The following MAP3K20 variants were observed in gnomAD, a reference collection of about 807,000 sequenced individuals.
MAP3K20 encodes HCCS-4.
In MAP3K20, 40 loss-of-function variants were observed where a neutral mutation model predicts 85.7. That is an observed-to-expected ratio of 0.47 (90% confidence interval 0.36 to 0.61). MAP3K20 has a LOEUF of 0.61. Ranked by LOEUF, MAP3K20 falls within the 20% of genes least tolerant of loss-of-function variation. The pLI is 0.00. For missense variants in MAP3K20, 817 were observed against 961.7 expected (o/e 0.85, Z 1.99); for synonymous variants, 325 against 327.7 (o/e 0.99, Z 0.09).
intron 2 of MAP3K20, among the ~76,000 whole-genome samples, chr2:173,147,586 A>C (rs1417656825): frequency 6.6e-6 from 1 of 152,072 alleles, no homozygotes; most frequent in Non-Finnish European, 1.5e-5. Context: ...AACAAACTCC[A>C]GCCTTTTTTT....
chr2:173,191,524 G>A (rs374745352), intron 7 of MAP3K20, among the ~76,000 whole-genome samples: 7 of 152,160 alleles, frequency 4.6e-5, no homozygotes, highest in Non-Finnish European at 7.4e-5. Flanking sequence ...TGGAAATGTG[G>A]ATCATTTGGA....
At chr2:173,079,318 T>C (rs1375533812) in intron 1 of MAP3K20, among the ~76,000 whole-genome samples, 3 of 152,194 alleles carry the variant, frequency 2.0e-5, no homozygotes, top group Admixed American at 1.3e-4. Context: ...ATAGGGCATT[T>C]ACCATGAATG....
chr2:173,108,150 T>A (rs969419178), intron 2 of MAP3K20, among the ~76,000 whole-genome samples: 1 of 152,104 alleles, frequency 6.6e-6, no homozygotes, highest in Non-Finnish European at 1.5e-5. Flanking sequence ...TTTTTATTTT[T>A]TTTTGAGATG....
intron 4 of MAP3K20, 142 bp from the exon 5 acceptor site, chr2:173,187,416 T>G (rs1233574988): frequency 1.6e-6 from 1 of 632,318 alleles, no homozygotes; most frequent in Non-Finnish European, 2.7e-6. Flanking sequence ...GTAGACATAT[T>G]CTGTTTTCAT....
At chr2:173,218,403 T>C (rs1684138769) in intron 11 of MAP3K20, among the ~76,000 whole-genome samples, 1 of 152,256 alleles carries the variant, frequency 6.6e-6, no homozygotes, top group Non-Finnish European at 1.5e-5. Flanking sequence ...ATGAATTGAA[T>C]TGCTATCCCT....
chr2:173,221,430 A>G (rs1475426576), intron 11 of MAP3K20: 3 of 1,614,020 alleles, frequency 1.9e-6, no homozygotes, highest in African/African-American at 1.3e-5. Context: ...AAGAAAGTCA[A>G]CATGGCTCTG....
In MAP3K20 at chr2:173,266,622, G is replaced by C; in HGVS notation, c.2275G>C (p.Glu759Gln). 6.2e-7 allele frequency: 1 copy of C among 1,613,906 alleles called. No individual in the cohort carries two copies. Among genetic ancestry groups the C allele is most frequent in the Non-Finnish European group, 8.5e-7 (1 of 1,179,982 alleles). The stretch of plus-strand genomic sequence containing the variant: ...TGAGACTGACTCAAGAGCCAGTGAA[G>C]AGGACAGCAAAGTCAGCGAAGGGGG... ...HPETDSRASE[E>Q]DSKVSEGGWT... Residue 759 changes from glutamate to glutamine, a missense_variant, in exon 20 of 20, where the codon GAG (glutamate) becomes CAG (glutamine). Physicochemically the swap from Glu to Gln is conservative, Grantham distance 29. Transcript: ENST00000375213.
intron 14 of MAP3K20, among the ~76,000 whole-genome samples, chr2:173,237,871 A>G (rs1574146262): frequency 6.6e-6 from 1 of 152,218 alleles, no homozygotes; most frequent in East Asian, 1.9e-4. Flanking sequence ...CTGAGGTTCA[A>G]CATCTTTAAA....
intron 11 of MAP3K20, 113 bp downstream of exon 11, chr2:173,217,363 G>C: frequency 1.6e-6 from 2 of 1,290,306 alleles, no homozygotes; most frequent in Non-Finnish European, 2.0e-6. Flanking sequence ...CTCATTTCCT[G>C]CCTCGCGCCC....
chr2:173,243,745 A>G lies in MAP3K20; in HGVS notation c.1359+4249A>G, dbSNP rs550535946. ...CCATTTTCCTGCCTCAGCCTCCCGAATAGCTGGGACTACAACTACAGGCTC... is the reference window on the plus strand; with the variant it reads ...CCATTTTCCTGCCTCAGCCTCCCGAGTAGCTGGGACTACAACTACAGGCTC... On this transcript the variant is annotated intron_variant, in intron 16 of 19. Transcript: ENST00000375213. Among the ~76,000 whole-genome samples, 480 of 152,176 alleles carry G rather than the reference A, an allele frequency of 3.2e-3. 4 individuals are homozygous for G. The highest frequency in any genetic ancestry group is 6.8e-3 in the Middle Eastern group (2 of 294).
At chr2:173,165,101 TATATCTCAG>T (rs775454298) in intron 2 of MAP3K20, among the ~76,000 whole-genome samples, 39 of 152,152 alleles carry the variant, frequency 2.6e-4, no homozygotes, top group Admixed American at 6.5e-4. Flanking sequence ...TTCCTCCGTT[TATATCTCAG>T]ATTGGGGCCC....
At chr2:173,205,452 CAG>C in intron 9 of MAP3K20, among the ~76,000 whole-genome samples, 1 of 152,286 alleles carries the variant, frequency 6.6e-6, no homozygotes, top group African/African-American at 2.4e-5. Flanking sequence ...TAGTATAACA[CAG>C]AATTCATGTT....
chr2:173,134,222 G>A (rs1248657256), intron 2 of MAP3K20, among the ~76,000 whole-genome samples: 1 of 134,702 alleles, frequency 7.4e-6, no homozygotes. Context: ...ACAGAATCTC[G>A]CTCTGTCCTC....
intron 16 of MAP3K20, among the ~76,000 whole-genome samples, chr2:173,248,723 A>G (rs745665053): frequency 1.1e-4 from 14 of 128,840 alleles, no homozygotes; most frequent in Non-Finnish European, 1.9e-4. Context: ...AATTCCCACT[A>G]TGGCCGATTT....
At chr2:173,104,765 C>G (rs1442828881) in intron 2 of MAP3K20, among the ~76,000 whole-genome samples, 1 of 152,088 alleles carries the variant, frequency 6.6e-6, no homozygotes, top group African/African-American at 2.4e-5. Flanking sequence ...TAAGGGAGAT[C>G]AGGAGTGCCA....
At chr2:173,255,885 CCAAA>C (rs1223948551) in intron 16 of MAP3K20, among the ~76,000 whole-genome samples, 12 of 152,230 alleles carry the variant, frequency 7.9e-5, no homozygotes, top group Non-Finnish European at 1.8e-4. Flanking sequence ...AATCATGACA[CCAAA>C]CAGTCATTAT....
intron 2 of MAP3K20, among the ~76,000 whole-genome samples, chr2:173,115,343 G>A (rs1688089810): frequency 6.6e-6 from 1 of 151,958 alleles, no homozygotes; most frequent in African/African-American, 2.4e-5. Context: ...CCTTGCATTG[G>A]GTATCGCCTT....
At position 173,206,930 on chromosome 2, in the gene MAP3K20, C is replaced by CT. The variant is rs35387016; in HGVS notation, c.745-2784dup. On this transcript the variant is annotated intron_variant, in intron 9 of 19. Transcript: ENST00000375213. Reference sequence around the variant, plus strand: ...CATATGTAGAGCAATAAAGTACTTTCTTTTTTTTTTTTTTTAAGTCCTTAA... The same window carrying CT: ...CATATGTAGAGCAATAAAGTACTTTCTTTTTTTTTTTTTTTTAAGTCCTTAA... 1.1e-3 allele frequency among the ~76,000 whole-genome samples: 160 copies of CT among 144,198 alleles called. 1 individual carries two copies. In the South Asian group the frequency reaches 0.013, roughly 11 times the overall value. The allele number at this position is 144,198 out of a possible 152,430, so 94.6% of individuals were successfully genotyped here.
At chr2:173,132,729 A>G (rs1007337083) in intron 2 of MAP3K20, among the ~76,000 whole-genome samples, 1 of 152,172 alleles carries the variant, frequency 6.6e-6, no homozygotes, top group Non-Finnish European at 1.5e-5. Flanking sequence ...TTGAATTTGA[A>G]TCCATCTCAG....
Sources: gnomAD v4.1 joint callset for allele counts (sites outside exome capture counted in the v4.1 genomes callset) on GRCh38, gnomAD v4.1.1 for gene constraint, MANE v1.5 for transcripts, NCBI Gene and HGNC (gene_info 2026-07-23, HGNC 2026-07-21) for gene names.